The following RGS6 variants were observed in gnomAD, a reference collection of about 807,000 sequenced individuals.
RGS6 encodes the protein regulator of G protein signaling 6.
A neutral mutation model predicts 78.5 loss-of-function variants in RGS6; 30 were observed. That is an observed-to-expected ratio of 0.38 (90% CI 0.29 to 0.52). The LOEUF is 0.52. Ranked by LOEUF, RGS6 falls within the 20% of genes least tolerant of loss-of-function variation. The pLI, the probability that RGS6 is intolerant of heterozygous loss-of-function variation, is 0.85. For synonymous variants in RGS6, 206 were observed against 206.0 expected (o/e 1.00, Z 0.00); for missense variants, 495 against 609.7 (o/e 0.81, Z 1.98).
At chr14:72,200,965 A>G (rs1320810588) in intron 2 of RGS6, among the ~76,000 whole-genome samples, 48 of 50,060 alleles carry the variant, frequency 9.6e-4, no homozygotes, top group East Asian at 9.5e-3. Context: ...TCTGCTTAAA[A>G]AAAAAAAAAA....
intron 2 of RGS6, among the ~76,000 whole-genome samples, chr14:72,091,793 T>A (rs1388517018): frequency 1.3e-5 from 2 of 152,142 alleles, no homozygotes; most frequent in Admixed American, 6.5e-5. Flanking sequence ...GGGAACCAAA[T>A]CACATTTAAC....
In RGS6 at chr14:72,554,240, C is replaced by A. The variant is rs556381716; in HGVS notation, c.1423-8177C>A. On this transcript the variant is annotated intron_variant, in intron 17 of 17. Transcript: ENST00000553525. Reference sequence around the variant, plus strand: ...CTTTTCAGCTGGCTAAACCAAGGACCCCAAGAAATGTACGTGTTTTGGGTG... The same window carrying A: ...CTTTTCAGCTGGCTAAACCAAGGACACCAAGAAATGTACGTGTTTTGGGTG... 3.3e-5 allele frequency among the ~76,000 whole-genome samples: 5 copies of A among 152,278 alleles called. No homozygotes were observed. In the East Asian group the frequency reaches 9.7e-4, roughly 29 times the overall value.
chr14:72,068,695 C>A (rs1373522044), intron 2 of RGS6, among the ~76,000 whole-genome samples: 1 of 151,728 alleles, frequency 6.6e-6, no homozygotes, highest in Non-Finnish European at 1.5e-5. Context: ...TGGGATTTCA[C>A]CATCTTGGCT....
At chr14:72,322,856 CATAAT>C (rs1187524826) in intron 2 of RGS6, among the ~76,000 whole-genome samples, 1 of 151,994 alleles carries the variant, frequency 6.6e-6, no homozygotes, top group Non-Finnish European at 1.5e-5. Flanking sequence ...ATGAAAAACT[CATAAT>C]AAAATGCTAT....
chr14:72,519,231 AC>A (rs2096996179), intron 15 of RGS6, among the ~76,000 whole-genome samples: 1 of 152,150 alleles, frequency 6.6e-6, no homozygotes, highest in Admixed American at 6.5e-5. Context: ...AGAAACAGGA[AC>A]CACCCTAACC....
intron 3 of RGS6, among the ~76,000 whole-genome samples, chr14:72,419,159 G>A (rs1397239242): frequency 2.0e-5 from 3 of 152,178 alleles, no homozygotes; most frequent in Non-Finnish European, 2.9e-5. Flanking sequence ...ACTGCTAACT[G>A]GCAAGAAGTC....
intron 2 of RGS6, among the ~76,000 whole-genome samples, chr14:72,213,218 A>G (rs185968841): frequency 6.6e-6 from 1 of 152,054 alleles, no homozygotes; most frequent in African/African-American, 2.4e-5. Context: ...TATATTTCAA[A>G]CTGGGAGCTA....
intron 2 of RGS6, among the ~76,000 whole-genome samples, chr14:72,157,084 A>G (rs2096783409): frequency 6.6e-6 from 1 of 152,148 alleles, no homozygotes; most frequent in Non-Finnish European, 1.5e-5. Flanking sequence ...AATCTCCCAA[A>G]CCCAGGTTGA....
At chr14:72,070,453 T>C (rs2094366780) in intron 2 of RGS6, among the ~76,000 whole-genome samples, 2 of 152,216 alleles carry the variant, frequency 1.3e-5, no homozygotes, top group Admixed American at 1.3e-4. Context: ...TTTGATTTTT[T>C]TCTTCTTCCA....
the RGS6 span, among the ~76,000 whole-genome samples, chr14:71,868,747 C>T: frequency 2.6e-5 from 4 of 152,210 alleles, no homozygotes; most frequent in African/African-American, 9.6e-5. Context: ...CAGTCAACTT[C>T]AGAAGAGCAC....
At chr14:72,332,370 A>C (rs1306207007) in intron 2 of RGS6, among the ~76,000 whole-genome samples, 1 of 152,186 alleles carries the variant, frequency 6.6e-6, no homozygotes, top group East Asian at 1.9e-4. Context: ...TAGAGAGTCC[A>C]TTTCATAACA....
chr14:72,035,589 G>A (rs2091580375), intron 2 of RGS6, among the ~76,000 whole-genome samples: 1 of 152,028 alleles, frequency 6.6e-6, no homozygotes, highest in Admixed American at 6.6e-5. Flanking sequence ...TGTTAACGTA[G>A]GTATTTACTG....
At chr14:72,078,924 T>C (rs958988337) in intron 2 of RGS6, among the ~76,000 whole-genome samples, 2 of 152,230 alleles carry the variant, frequency 1.3e-5, no homozygotes, top group South Asian at 2.1e-4. Flanking sequence ...TCTATACTTG[T>C]ACTAGATTTA....
chr14:72,114,139 G>C (rs766554689), intron 2 of RGS6, among the ~76,000 whole-genome samples: 3 of 152,170 alleles, frequency 2.0e-5, no homozygotes, highest in Non-Finnish European at 4.4e-5. Context: ...GCTTTACTCA[G>C]GTAGGGTGGA....
At chr14:72,364,991 C>A (rs188863124) in intron 3 of RGS6, among the ~76,000 whole-genome samples, 1 of 152,168 alleles carries the variant, frequency 6.6e-6, no homozygotes, top group East Asian at 1.9e-4. Flanking sequence ...CCCGTCTCTA[C>A]ACTGTCAAGT....
chr14:72,036,381 T>A (rs72737811), intron 2 of RGS6, among the ~76,000 whole-genome samples: 20,699 of 151,910 alleles, frequency 0.14, 1,518 homozygotes, highest in African/African-American at 0.19. Flanking sequence ...GGTTTTGGGG[T>A]ACAGATATGT....
intron 2 of RGS6, among the ~76,000 whole-genome samples, chr14:72,059,974 T>A (rs2093810439): frequency 6.6e-6 from 1 of 152,040 alleles, no homozygotes; most frequent in Non-Finnish European, 1.5e-5. Context: ...TCTGCTGGAG[T>A]GTGCGTTGTT....
chr14:72,097,774 G>T (rs532955436), intron 2 of RGS6, among the ~76,000 whole-genome samples: 26 of 152,168 alleles, frequency 1.7e-4, no homozygotes, highest in African/African-American at 6.3e-4. Context: ...ACAGGGTGGC[G>T]TCTTGTCCCC....
At chr14:72,111,074 C>T (rs974586074) in intron 2 of RGS6, among the ~76,000 whole-genome samples, 29 of 152,270 alleles carry the variant, frequency 1.9e-4, no homozygotes, top group Admixed American at 5.2e-4. Context: ...AAGACTCTCC[C>T]GTTCTTTTCC....
Sources: gnomAD v4.1 joint callset for allele counts (sites outside exome capture counted in the v4.1 genomes callset) on GRCh38, gnomAD v4.1.1 for gene constraint, MANE v1.5 for transcripts, NCBI Gene and HGNC (gene_info 2026-07-23, HGNC 2026-07-21) for gene names.